CD22: variants seen among roughly 807,000 people sequenced by gnomAD.
The protein encoded by CD22 is CD22 molecule.
CD22 carries 51 observed loss-of-function variants against 94.7 expected under a neutral mutation model. That is an observed-to-expected ratio of 0.54 (90% CI 0.43 to 0.68). CD22 has a LOEUF of 0.68. Among genes scored for constraint, CD22 ranks in the 30% least tolerant of loss-of-function variants. CD22 has a pLI of 0.00. For missense variants in CD22, 931 were observed against 1,060.4 expected (o/e 0.88, Z 1.69); for synonymous variants, 424 against 422.5 (o/e 1.00, Z -0.04).
intron 5 of CD22, 32 bp downstream of exon 5, chr19:35,338,053 C>A: frequency 6.3e-7 from 1 of 1,588,180 alleles, no homozygotes. Flanking sequence ...ACAGGCCAGG[C>A]AGGGAGGTAG....
rs1599680466 is a variant in CD22 at position 35,338,088 on chromosome 19, C to G, written c.985+67C>G. The G allele has an allele frequency of 2.5e-6, 4 of 1,574,284 alleles. No individual in the cohort carries two copies. The East Asian group carries it at 9.0e-5, about 35-fold the overall frequency. On this transcript the variant is annotated intron_variant, in intron 5 of 13. Transcript: ENST00000085219. ...GCAGGGGTGGACCCGGAGAGGGGAGCCACGGGGGCTCTCGGGGCCGTGTGC... is the reference window on the plus strand; with the variant it reads ...GCAGGGGTGGACCCGGAGAGGGGAGGCACGGGGGCTCTCGGGGCCGTGTGC...
chr19:35,332,397 A>G, intron 2 of CD22, 150 bp from the exon 3 acceptor site: 1 of 808,006 alleles, frequency 1.2e-6, no homozygotes, highest in Non-Finnish European at 1.9e-6. Context: ...GGATCACTTG[A>G]GGTCAGGAGT....
intron 6 of CD22, 112 bp downstream of exon 6, chr19:35,338,543 G>C: frequency 8.9e-7 from 1 of 1,128,440 alleles, no homozygotes; most frequent in South Asian, 1.5e-5. Context: ...GCAAGGAGCA[G>C]CCAGGGTCTC....
At chr19:35,346,540 G>A in intron 13 of CD22, 26 bp from the exon 14 acceptor site, 1 of 1,586,268 alleles carries the variant, frequency 6.3e-7, no homozygotes, top group East Asian at 2.3e-5. Context: ...AGTGGGGCCA[G>A]GCTAACCACC....
At chr19:35,342,327 A>G (rs2066828146) in intron 9 of CD22, among the ~76,000 whole-genome samples, 1 of 151,648 alleles carries the variant, frequency 6.6e-6, no homozygotes, top group South Asian at 2.1e-4. Context: ...GCACCACCAC[A>G]TCCGGCTAAT....
rs769902121 is a variant in CD22, at chr19:35,341,848, C to T, written c.1918C>T (p.His640Tyr). The change falls in exon 9 of 14, where the codon CAC (histidine) becomes TAC (tyrosine). Residue 640 changes from histidine (H) to tyrosine (Y), a missense_variant. Transcript: ENST00000085219. This position sits in a 1 kb window ranked among gnomAD's most constrained non-coding sequence, Gnocchi z 4.0. Reference sequence around the variant, plus strand: ...CTGGAATAACCAAAGCCTCCCCTACCACAGCCAGAAGCTGAGATTGGAGCC... The same window carrying T: ...CTGGAATAACCAAAGCCTCCCCTACTACAGCCAGAAGCTGAGATTGGAGCC... Reference protein sequence around the residue: ...FDWNNQSLPYHSQKLRLEPVK... With the variant: ...FDWNNQSLPYYSQKLRLEPVK... 1.9e-6 allele frequency: 3 copies of T among 1,614,136 alleles called. No homozygotes were observed. In the East Asian group the frequency reaches 6.7e-5, roughly 36 times the overall value.
chr19:35,335,151 A>C (rs1001049855), intron 3 of CD22, among the ~76,000 whole-genome samples: 6 of 151,838 alleles, frequency 4.0e-5, no homozygotes, highest in African/African-American at 1.5e-4. Context: ...GAAAGCAGAC[A>C]TCCGGCAATG....
rs763054158 is a variant in CD22 at position 35,332,904 on chromosome 19, G to A, written c.392G>A (p.Arg131Gln). 16 of 1,613,924 alleles carry A rather than the reference G, an allele frequency of 9.9e-6. 1 individual carries two copies. The highest frequency in any genetic ancestry group is 8.9e-5 in the East Asian group (4 of 44,888). ...MESKTEKWME[R>Q]IHLNVSERPF... The stretch of plus-strand genomic sequence containing the variant: ...TCCAAGACTGAGAAATGGATGGAAC[G>A]AATACACCTCAATGTCTCTGGTAAG... The change falls in exon 3 of 14, where the codon CGA becomes CAA. Residue 131 changes from arginine to glutamine, a missense_variant. Coordinates refer to ENST00000085219, the MANE Select transcript of CD22 (RefSeq NM_001771.4).
At position 35,346,930 on chromosome 19, in the gene CD22, C is replaced by T; in HGVS notation, c.*233C>T. 2.1e-6 allele frequency: 1 copy of T among 477,172 alleles called. No homozygotes were observed. The highest frequency in any genetic ancestry group is 3.7e-6 in the Non-Finnish European group (1 of 270,488). The allele number at this position is 477,172 out of a possible 1,614,324, so 29.6% of individuals were successfully genotyped here. On this transcript the variant is annotated 3_prime_UTR_variant, in exon 14 of 14. Coordinates refer to ENST00000085219, the MANE Select transcript of CD22 (RefSeq NM_001771.4). ...AAACTCCTGCCCCTGTTCTCTTCCA[C>T]TCTCCTTGCTACCCAGAAATCCATC...
intron 13 of CD22, 106 bp downstream of exon 13, chr19:35,346,341 G>A (rs954039285): frequency 1.1e-5 from 13 of 1,150,744 alleles, no homozygotes; most frequent in African/African-American, 6.0e-5. Context: ...GTAGGCATCC[G>A]TGGTGGCAGA....
In CD22 at chr19:35,336,601, G is replaced by A. The variant is rs548458017; in HGVS notation, c.718+260G>A. 9 of 494,172 alleles carry A rather than the reference G, an allele frequency of 1.8e-5. No individual in the cohort carries two copies. The South Asian group carries it at 2.4e-4, about 13-fold the overall frequency. 30.6% of individuals were successfully genotyped at this position (494,172 alleles called of 1,614,324 possible). On this transcript the variant is annotated intron_variant, in intron 4 of 13. Coordinates refer to ENST00000085219, the MANE Select transcript of CD22 (RefSeq NM_001771.4). ...GTCTTTTTGTTCCCCTCTTGGTGGG[G>A]ATTTTTTTCGCATCATTATCTTGTG...
chr19:35,332,332 C>T (rs1310538037), intron 2 of CD22: 3 of 648,624 alleles, frequency 4.6e-6, no homozygotes, highest in Non-Finnish European at 7.7e-6. Flanking sequence ...AAGCTCTCTG[C>T]TGGGTGCAGT....
At position 35,336,353 on chromosome 19, in the gene CD22, C is replaced by T. The variant is rs371542324; in HGVS notation, c.718+12C>T. The T allele has an allele frequency of 3.7e-6, 6 of 1,611,334 alleles. No individual in the cohort carries two copies. The highest frequency in any genetic ancestry group is 2.2e-5 in the South Asian group (2 of 90,728). ...GCTGAACGTGAAGCGTGAGTCTCCC[C>T]GGCATGCCTGTGGGAAGGGCAAGGT... is the stretch of plus-strand genomic sequence containing the variant. On this transcript the variant is annotated intron_variant, in intron 4 of 13. Transcript: ENST00000085219.
At chr19:35,333,384 T>C (rs2066673283) in intron 3 of CD22, among the ~76,000 whole-genome samples, 1 of 152,026 alleles carries the variant, frequency 6.6e-6, no homozygotes, top group Non-Finnish European at 1.5e-5. Flanking sequence ...GAGCTCCCTA[T>C]AGAGGAAACT....
intron 10 of CD22, 56 bp from the exon 11 acceptor site, chr19:35,344,995 C>G: frequency 1.2e-6 from 2 of 1,601,388 alleles, no homozygotes; most frequent in Non-Finnish European, 1.7e-6. Flanking sequence ...TGCTCCATCT[C>G]GAAGCCTCCA....
intron 3 of CD22, among the ~76,000 whole-genome samples, chr19:35,334,328 T>A (rs1198592726): frequency 6.6e-6 from 1 of 151,996 alleles, no homozygotes; most frequent in Admixed American, 6.6e-5. Context: ...TATGAGTGAA[T>A]TAATGGTTAC....
Position 35,332,314 on chromosome 19 carries a change from T to G in CD22, c.35-233T>G. 3 of 646,310 alleles carry G rather than the reference T, an allele frequency of 4.6e-6. No individual in the cohort carries two copies. In the South Asian group the frequency reaches 6.2e-5, roughly 13 times the overall value. The allele number at this position is 646,310 out of a possible 1,614,324, so 40.0% of individuals were successfully genotyped here. On this transcript the variant is annotated intron_variant, in intron 2 of 13. Coordinates refer to ENST00000085219, the MANE Select transcript of CD22 (RefSeq NM_001771.4). ...ACTATCTTCAGAGGGAATTCTTTAG[T>G]CTTTAGAAAGCTCTCTGCTGGGTGC...
At position 35,346,541 on chromosome 19, in the gene CD22, G is replaced by C. The variant is rs562953815; in HGVS notation, c.2413-25G>C. On this transcript the variant is annotated intron_variant, in intron 13 of 13. Transcript: ENST00000085219. ...TGGAGGCTGGCGACAGTGGGGCCAG[G>C]CTAACCACCATGCGGTTTTCTCAGG... 586 of 1,586,586 alleles carry C rather than the reference G, an allele frequency of 3.7e-4. 5 individuals carry two copies. The South Asian group carries it at 5.1e-3, about 14-fold the overall frequency.
rs1456221193 is a variant in CD22, at chr19:35,342,054, CT to C, written c.2035+92del. ...CCTTCCTTCCTTCCTTCCTTCCTTC[CT>C]TTCTTTCTCTCTTTCTTTTCCTCCT... On this transcript the variant is annotated intron_variant, in intron 9 of 13. Transcript: ENST00000085219. 56 of 1,054,544 alleles carry C rather than the reference CT, an allele frequency of 5.3e-5. No individual in the cohort carries two copies. The South Asian group carries it at 6.3e-4, about 12-fold the overall frequency. 65.3% of individuals were successfully genotyped at this position (1,054,544 alleles called of 1,614,324 possible). A position where few individuals can be genotyped will look rare whatever the true frequency, so the allele number is the denominator to read the frequency against.
Sources: allele counts gnomAD v4.1 joint callset (sites outside exome capture counted in the v4.1 genomes callset), GRCh38; gene constraint gnomAD v4.1.1; non-coding constraint Gnocchi (gnomAD v3.1); transcripts MANE v1.5; gene names NCBI Gene and HGNC (gene_info 2026-07-23, HGNC 2026-07-21).